The following AOAH variants were observed in gnomAD, a reference collection of about 807,000 sequenced individuals.
AOAH encodes the protein acyloxyacyl hydrolase.
AOAH carries 64 observed loss-of-function variants against 92.2 expected under a neutral mutation model. That is an observed-to-expected ratio of 0.69 (90% CI 0.57 to 0.86). AOAH has a LOEUF of 0.86. AOAH is among the 40% of genes least tolerant of loss of function. The pLI, the probability that AOAH is intolerant of heterozygous loss-of-function variation, is 0.00. For missense variants in AOAH, 656 were observed against 694.6 expected (o/e 0.94, Z 0.62); for synonymous variants, 263 against 254.5 (o/e 1.03, Z -0.32).
At chr7:36,611,638 G>A (rs1230446260) in intron 11 of AOAH, among the ~76,000 whole-genome samples, 1 of 152,130 alleles carries the variant, frequency 6.6e-6, no homozygotes, top group East Asian at 1.9e-4. Flanking sequence ...GAGAAAGTGT[G>A]GGCCCCAGGT....
intron 1 of AOAH, among the ~76,000 whole-genome samples, chr7:36,717,218 G>T (rs566370476): frequency 2.0e-5 from 3 of 152,172 alleles, no homozygotes; most frequent in Non-Finnish European, 4.4e-5. Context: ...TTGGAGCTGG[G>T]GTTGTTTGTG....
At chr7:36,532,009 AC>A (rs1296525785) in intron 18 of AOAH, 137 bp downstream of exon 18, 29 of 993,062 alleles carry the variant, frequency 2.9e-5, no homozygotes, top group Non-Finnish European at 4.5e-5. Context: ...CTCCTCAAGC[AC>A]CTGGAAGGTT....
At chr7:36,648,561 T>C (rs117832454) in intron 4 of AOAH, among the ~76,000 whole-genome samples, 8,284 of 152,176 alleles carry the variant, frequency 0.054, 370 homozygotes, top group Non-Finnish European at 0.082. Context: ...GTCAGATGTA[T>C]TAGTATTTCC....
chr7:36,641,138 C>A (rs1273943877), intron 4 of AOAH, among the ~76,000 whole-genome samples: 12 of 152,160 alleles, frequency 7.9e-5, no homozygotes, highest in Non-Finnish European at 1.6e-4. Flanking sequence ...AAGCACCTCA[C>A]GTGATCACAA....
At chr7:36,720,604 C>T (rs1158819072) in intron 1 of AOAH, among the ~76,000 whole-genome samples, 1 of 152,208 alleles carries the variant, frequency 6.6e-6, no homozygotes, top group Non-Finnish European at 1.5e-5. Flanking sequence ...GCTCTGCTGG[C>T]TCTGGCATTG....
At chr7:36,656,649 C>A (rs1794909498) in intron 4 of AOAH, among the ~76,000 whole-genome samples, 1 of 151,892 alleles carries the variant, frequency 6.6e-6, no homozygotes. Flanking sequence ...CCACATATCA[C>A]CTTGTGACGT....
intron 1 of AOAH, among the ~76,000 whole-genome samples, chr7:36,688,181 T>C (rs934070271): frequency 1.3e-5 from 2 of 152,216 alleles, no homozygotes; most frequent in African/African-American, 4.8e-5. Context: ...GCAATTAATT[T>C]AGTAGCTGAC....
intron 18 of AOAH, 136 bp downstream of exon 18, chr7:36,532,011 C>G (rs1784723088): frequency 5.8e-6 from 6 of 1,034,638 alleles, no homozygotes; most frequent in Non-Finnish European, 7.4e-6. Context: ...CCTCAAGCAC[C>G]TGGAAGGTTT....
chr7:36,717,305 C>T (rs1799270868), intron 1 of AOAH, among the ~76,000 whole-genome samples: 2 of 152,056 alleles, frequency 1.3e-5, no homozygotes, highest in African/African-American at 4.8e-5. Context: ...ACAACAATAC[C>T]CTGCTTCAGT....
At chr7:36,612,368 A>G (rs921997428) in intron 11 of AOAH, among the ~76,000 whole-genome samples, 3 of 152,154 alleles carry the variant, frequency 2.0e-5, no homozygotes, top group African/African-American at 4.8e-5. Context: ...TTGCCCATAA[A>G]TATGTCTATT....
intron 1 of AOAH, among the ~76,000 whole-genome samples, chr7:36,714,785 T>C (rs1584183031): frequency 6.6e-6 from 1 of 152,232 alleles, no homozygotes; most frequent in South Asian, 2.1e-4. Context: ...CAACGCTTCA[T>C]GCTAAAATCT....
chr7:36,660,190 C>A (rs911942567), intron 3 of AOAH, among the ~76,000 whole-genome samples: 5 of 152,214 alleles, frequency 3.3e-5, no homozygotes, highest in Admixed American at 3.3e-4. Context: ...CCACTTGCAC[C>A]CAAGTGAATA....
At chr7:36,536,537 C>G (rs1023815067) in intron 16 of AOAH, among the ~76,000 whole-genome samples, 1 of 152,152 alleles carries the variant, frequency 6.6e-6, no homozygotes, top group African/African-American at 2.4e-5. Flanking sequence ...TGCTTCACTG[C>G]TGGCTCAAGA....
rs781070583 is a variant in AOAH at position 36,632,153 on chromosome 7, G to A, written c.451-47C>T. 7.9e-6 allele frequency: 12 copies of A among 1,517,446 alleles called. No individual in the cohort carries two copies. In the South Asian group the frequency reaches 1.3e-4, roughly 17 times the overall value. 94.0% of individuals were successfully genotyped at this position (1,517,446 alleles called of 1,614,324 possible). A position where few individuals can be genotyped will look rare whatever the true frequency, so the allele number is the denominator to read the frequency against. On this transcript the variant is annotated intron_variant, in intron 5 of 20. Transcript: ENST00000617537. ...AAAAGAGAGTTGTTTAGTTTAAGGAGTGGTTCCCCACCTTCTAAAGGCCCC... is the reference window on the plus strand; with the variant it reads ...AAAAGAGAGTTGTTTAGTTTAAGGAATGGTTCCCCACCTTCTAAAGGCCCC...
intron 12 of AOAH, among the ~76,000 whole-genome samples, chr7:36,581,751 G>T (rs1424881867): frequency 6.6e-6 from 1 of 152,088 alleles, no homozygotes; most frequent in Non-Finnish European, 1.5e-5. Context: ...TTCATTATAA[G>T]AATATAGAAA....
At chr7:36,521,267 C>T (rs1441391278) in intron 20 of AOAH, among the ~76,000 whole-genome samples, 4 of 152,170 alleles carry the variant, frequency 2.6e-5, no homozygotes, top group African/African-American at 7.2e-5. Context: ...GAGTAAATGG[C>T]CCATCCCTCC....
At chr7:36,626,410 G>T (rs574799838) in intron 6 of AOAH, among the ~76,000 whole-genome samples, 1 of 152,172 alleles carries the variant, frequency 6.6e-6, no homozygotes, top group Non-Finnish European at 1.5e-5. Context: ...TACTTTAAAG[G>T]CCCCAAGTGA....
intron 11 of AOAH, chr7:36,599,890 A>G (rs1214580042): frequency 1.3e-5 from 2 of 152,620 alleles, no homozygotes; most frequent in Admixed American, 6.5e-5. Flanking sequence ...CCATCTGCTC[A>G]GGTCCCCACC....
At chr7:36,609,045 C>A (rs1182377253) in intron 11 of AOAH, among the ~76,000 whole-genome samples, 9 of 152,066 alleles carry the variant, frequency 5.9e-5, no homozygotes, top group Admixed American at 2.0e-4. Context: ...AGGCAGTCTC[C>A]CCCAGAGGAA....
Sources: gnomAD v4.1 joint callset for allele counts (sites outside exome capture counted in the v4.1 genomes callset) on GRCh38, gnomAD v4.1.1 for gene constraint, MANE v1.5 for transcripts, NCBI Gene and HGNC (gene_info 2026-07-23, HGNC 2026-07-21) for gene names.